SMAD2: variants seen among roughly 807,000 people sequenced by gnomAD.
SMAD2 encodes MAD homolog 2.
In SMAD2, 8 loss-of-function variants were observed where a neutral mutation model predicts 64.4. That is an observed-to-expected ratio of 0.12 (90% confidence interval 0.07 to 0.22). The LOEUF (loss-of-function observed/expected upper bound fraction) is 0.22, where lower values mean the gene tolerates loss of function less well. SMAD2 is among the 10% of genes least tolerant of loss of function. The pLI is 1.00. For missense variants in SMAD2, 289 were observed against 561.2 expected, an observed-to-expected ratio of 0.51 and a Z score of 4.90; for synonymous variants, 203 against 195.8, an observed-to-expected ratio of 1.04 and a Z score of -0.31.
chr18:47,929,717 A>C (rs1033819898), intron 1 of SMAD2, among the ~76,000 whole-genome samples: 3 of 152,248 alleles, frequency 2.0e-5, no homozygotes, highest in African/African-American at 7.2e-5. Context: ...TTTTAAGGAT[A>C]AGTAAAAGAC....
chr18:47,896,095 G>A (rs952697765), intron 2 of SMAD2, among the ~76,000 whole-genome samples: 1 of 152,120 alleles, frequency 6.6e-6, no homozygotes, highest in Non-Finnish European at 1.5e-5. Context: ...ATTCTTTCTT[G>A]GAAGCAATGC....
intron 1 of SMAD2, among the ~76,000 whole-genome samples, chr18:47,909,068 TAAAA>T (rs74172082): frequency 6.6e-5 from 9 of 136,988 alleles, no homozygotes; most frequent in East Asian, 2.1e-4. Flanking sequence ...GAACTACAGC[TAAAA>T]AAAAAAAAAA....
In SMAD2 at chr18:47,885,504, G is replaced by C. The variant is rs2032854447; in HGVS notation, c.236+11017C>G. Among the ~76,000 whole-genome samples, 3 of 152,002 alleles carry C rather than the reference G, an allele frequency of 2.0e-5. No homozygotes were observed. In the South Asian group the frequency reaches 6.2e-4, roughly 32 times the overall value. The stretch of plus-strand genomic sequence containing the variant: ...TTTTTAACAATTAAAAAGAAAAATA[G>C]TAACATAAATGACAAAATAAATATA... On this transcript the variant is annotated intron_variant, in intron 2 of 10. Coordinates refer to ENST00000262160, the MANE Select transcript of SMAD2 (RefSeq NM_005901.6).
At chr18:47,918,958 G>C (rs1157492397) in intron 1 of SMAD2, among the ~76,000 whole-genome samples, 1 of 152,052 alleles carries the variant, frequency 6.6e-6, no homozygotes, top group Non-Finnish European at 1.5e-5. Flanking sequence ...TGAACTGAAA[G>C]ATGGGAGTTT....
At chr18:47,906,667 C>T (rs2033916365) in intron 1 of SMAD2, among the ~76,000 whole-genome samples, 1 of 152,152 alleles carries the variant, frequency 6.6e-6, no homozygotes, top group Non-Finnish European at 1.5e-5. Context: ...CAATGAACTA[C>T]AGTCACAGTG....
At chr18:47,866,346 A>T (rs1226040919) in intron 5 of SMAD2, among the ~76,000 whole-genome samples, 1 of 145,608 alleles carries the variant, frequency 6.9e-6, no homozygotes, top group Non-Finnish European at 1.5e-5. Flanking sequence ...AAAAAAGAGG[A>T]AGAGAAGATA....
chr18:47,870,849 C>T (rs762730713), intron 2 of SMAD2, among the ~76,000 whole-genome samples: 16 of 152,166 alleles, frequency 1.1e-4, no homozygotes, highest in Non-Finnish European at 1.9e-4. Flanking sequence ...GCCCTTACCA[C>T]TTTCCTGTAT....
rs184386335 is a variant in SMAD2, at chr18:47,823,144, G to A, written c.*18683C>T. On this transcript the variant is annotated 3_prime_UTR_variant, in exon 11 of 11. Coordinates refer to ENST00000262160, the MANE Select transcript of SMAD2 (RefSeq NM_005901.6). ...ATGTGTAGAATGCCTGGCTTCAATG[G>A]TTCTCAGCATTACACTGAATTAAAA... 2 of 152,240 alleles carry A rather than the reference G, an allele frequency of 1.3e-5. No individual in the cohort carries two copies. The highest frequency in any genetic ancestry group is 6.5e-5 in the Admixed American group (1 of 15,298). 9.4% of individuals were successfully genotyped at this position (152,240 alleles called of 1,614,324 possible).
At chr18:47,900,376 T>C (rs1243938527) in intron 1 of SMAD2, among the ~76,000 whole-genome samples, 2 of 152,134 alleles carry the variant, frequency 1.3e-5, no homozygotes, top group African/African-American at 4.8e-5. Flanking sequence ...AATTTCTGCC[T>C]ACTCTGCCTA....
At chr18:47,851,141 A>G in intron 7 of SMAD2, 133 bp downstream of exon 7, 2 of 678,322 alleles carry the variant, frequency 2.9e-6, no homozygotes, top group South Asian at 3.5e-5. Context: ...TACTTTAACC[A>G]CATACATAAT....
intron 2 of SMAD2, among the ~76,000 whole-genome samples, chr18:47,888,369 AAAG>A (rs2033017192): frequency 6.6e-6 from 1 of 152,160 alleles, no homozygotes; most frequent in South Asian, 2.1e-4. Context: ...TGGTCTGAGA[AAAG>A]AAGCTCTGAG....
In SMAD2 at chr18:47,831,518, A is replaced by C. The variant is rs546878195; in HGVS notation, c.*10309T>G. On this transcript the variant is annotated 3_prime_UTR_variant, in exon 11 of 11. Transcript: ENST00000262160. ...AGAAAGGTGCAGAGGCAGCCAACAA[A>C]ACTATTGAAGACAGACTGTAAAAAC... 1 of 152,352 alleles carries C rather than the reference A, an allele frequency of 6.6e-6. No homozygotes were observed. The highest frequency in any genetic ancestry group is 1.5e-5 in the Non-Finnish European group (1 of 68,036). 9.4% of individuals were successfully genotyped at this position (152,352 alleles called of 1,614,324 possible).
intron 1 of SMAD2, among the ~76,000 whole-genome samples, chr18:47,915,401 G>A (rs1249089448): frequency 1.3e-5 from 2 of 152,096 alleles, no homozygotes; most frequent in African/African-American, 4.8e-5. Flanking sequence ...CTGTCACATG[G>A]CATTCCATTT....
chr18:47,857,058 C>G (rs541821455), intron 6 of SMAD2, among the ~76,000 whole-genome samples: 17 of 151,854 alleles, frequency 1.1e-4, no homozygotes, highest in Non-Finnish European at 1.9e-4. Flanking sequence ...GGGGTTTCAC[C>G]GTTTTAGCCG....
intron 2 of SMAD2, among the ~76,000 whole-genome samples, chr18:47,889,035 C>G (rs142075336): frequency 6.6e-6 from 1 of 151,972 alleles, no homozygotes; most frequent in South Asian, 2.1e-4. Flanking sequence ...GCTTAACAGA[C>G]TGAATACAGC....
chr18:47,837,291 G>A lies in SMAD2; in HGVS notation c.*4536C>T, dbSNP rs192916024. Reference sequence around the variant, plus strand: ...ATAAAAATATGGCTAGGCTGGGCGCGGTGGCTCATGCCTGTAATCCCAGCA... The same window carrying A: ...ATAAAAATATGGCTAGGCTGGGCGCAGTGGCTCATGCCTGTAATCCCAGCA... On this transcript the variant is annotated 3_prime_UTR_variant, in exon 11 of 11. Coordinates refer to ENST00000262160, the MANE Select transcript of SMAD2 (RefSeq NM_005901.6). 151 of 193,336 alleles carry A rather than the reference G, an allele frequency of 7.8e-4. 1 individual carries two copies. In the East Asian group the frequency reaches 0.01, roughly 13 times the overall value. 12.0% of individuals were successfully genotyped at this position (193,336 alleles called of 1,614,324 possible).
At chr18:47,917,409 T>C (rs907164795) in intron 1 of SMAD2, among the ~76,000 whole-genome samples, 2 of 152,260 alleles carry the variant, frequency 1.3e-5, no homozygotes, top group African/African-American at 4.8e-5. Flanking sequence ...TTGGATTTTT[T>C]AAATTTTTGT....
At chr18:47,846,993 A>G (rs904606811) in intron 8 of SMAD2, among the ~76,000 whole-genome samples, 1 of 152,178 alleles carries the variant, frequency 6.6e-6, no homozygotes, top group Non-Finnish European at 1.5e-5. Context: ...TTGGGAAAAC[A>G]CTAAGTCCAA....
chr18:47,899,507 C>T (rs1455880129), intron 1 of SMAD2, among the ~76,000 whole-genome samples: 4 of 152,258 alleles, frequency 2.6e-5, no homozygotes, highest in Non-Finnish European at 4.4e-5. Context: ...TATAGCAACA[C>T]AACATGGTAA....
Sources: gnomAD v4.1 joint callset for allele counts (sites outside exome capture counted in the v4.1 genomes callset) on GRCh38, gnomAD v4.1.1 for gene constraint, MANE v1.5 for transcripts, NCBI Gene and HGNC (gene_info 2026-07-23, HGNC 2026-07-21) for gene names.